The following SORBS2 variants were observed in gnomAD, a reference collection of about 807,000 sequenced individuals.
The protein encoded by SORBS2 is sorbin and SH3 domain-containing protein 2.
Under a neutral mutation model 97.7 loss-of-function variants are expected in SORBS2, and 46 were observed. That is an observed-to-expected ratio of 0.47 (90% CI 0.37 to 0.60). The LOEUF is 0.60. Ranked by LOEUF, SORBS2 falls within the 20% of genes least tolerant of loss-of-function variation. The pLI is 0.00. For missense variants in SORBS2, 1,316 were observed against 1,282.3 expected (o/e 1.03, Z -0.40); for synonymous variants, 476 against 473.4 (o/e 1.01, Z -0.07).
At chr4:185,674,562 AG>A (rs1477106331) in intron 4 of SORBS2, among the ~76,000 whole-genome samples, 4 of 152,184 alleles carry the variant, frequency 2.6e-5, no homozygotes, top group Admixed American at 2.6e-4. Flanking sequence ...TAATGGTGGT[AG>A]CCTCAACATC....
At chr4:185,693,403 C>T (rs190374689) in intron 2 of SORBS2, among the ~76,000 whole-genome samples, 60 of 152,166 alleles carry the variant, frequency 3.9e-4, no homozygotes, top group South Asian at 1.2e-3. Context: ...CTCCTTCAAA[C>T]GTATTTAGTT....
At chr4:185,824,592 C>T (rs1297536020) in intron 1 of SORBS2, among the ~76,000 whole-genome samples, 1 of 152,188 alleles carries the variant, frequency 6.6e-6, no homozygotes, top group Non-Finnish European at 1.5e-5. Context: ...GAAAAACCAA[C>T]TCAGGGACAA....
chr4:185,668,572 A>G (rs1437020110), intron 4 of SORBS2, among the ~76,000 whole-genome samples: 7 of 152,170 alleles, frequency 4.6e-5, no homozygotes, highest in Non-Finnish European at 1.0e-4. Flanking sequence ...AATGGAATAT[A>G]CCCTGTAGAC....
At chr4:185,685,931 G>A (rs1249735244) in intron 2 of SORBS2, among the ~76,000 whole-genome samples, 1 of 152,192 alleles carries the variant, frequency 6.6e-6, no homozygotes, top group Non-Finnish European at 1.5e-5. Flanking sequence ...AATGTGCTAT[G>A]AGAAGTTTAG....
chr4:185,817,766 G>A (rs978386760), intron 1 of SORBS2, among the ~76,000 whole-genome samples: 3 of 152,320 alleles, frequency 2.0e-5, no homozygotes, highest in Middle Eastern at 3.4e-3. Context: ...GGGTGAAACT[G>A]GGCAGCTTCC....
chr4:185,894,238 G>A (rs1015213048), intron 1 of SORBS2: 1 of 141,398 alleles, frequency 7.1e-6, no homozygotes, highest in Non-Finnish European at 1.5e-5. Flanking sequence ...AAGAGCAAAA[G>A]GATCAAACAC....
chr4:185,744,661 C>T (rs1247480226), intron 2 of SORBS2, among the ~76,000 whole-genome samples: 1 of 152,234 alleles, frequency 6.6e-6, no homozygotes, highest in Non-Finnish European at 1.5e-5. Context: ...AGAATGAGAA[C>T]TTTCCACAAA....
At chr4:185,644,869 A>G (rs1032208815) in intron 4 of SORBS2, among the ~76,000 whole-genome samples, 3 of 152,174 alleles carry the variant, frequency 2.0e-5, no homozygotes, top group Admixed American at 6.5e-5. Context: ...CAATGTATAA[A>G]CCCTAAAGGG....
chr4:185,928,862 C>T (rs1211606691), intron 1 of SORBS2, among the ~76,000 whole-genome samples: 1 of 152,128 alleles, frequency 6.6e-6, no homozygotes, highest in Non-Finnish European at 1.5e-5. Context: ...GTTCTTCTTT[C>T]CAGCTTTCTT....
At chr4:185,611,540 C>T (rs867345697) in intron 12 of SORBS2, among the ~76,000 whole-genome samples, 7 of 152,064 alleles carry the variant, frequency 4.6e-5, no homozygotes, top group African/African-American at 7.2e-5. Flanking sequence ...CTTTCTCTTT[C>T]GATATTTTAA....
At chr4:185,601,646 C>A (rs1393379062) in intron 12 of SORBS2, among the ~76,000 whole-genome samples, 1 of 152,144 alleles carries the variant, frequency 6.6e-6, no homozygotes, top group African/African-American at 2.4e-5. Context: ...GTGCTTATCC[C>A]AGTCTTGACT....
chr4:185,708,146 T>G (rs2098373572), intron 2 of SORBS2, among the ~76,000 whole-genome samples: 1 of 152,198 alleles, frequency 6.6e-6, no homozygotes, highest in South Asian at 2.1e-4. Flanking sequence ...CAGAGCCGAC[T>G]TGGGCTCTCA....
chr4:185,672,961 C>T lies in SORBS2; in HGVS notation c.-46+5462G>A, dbSNP rs184034545. On this transcript the variant is annotated intron_variant, in intron 4 of 20. Transcript: ENST00000284776. ...TATCACAATCATCAAGATGTAGAAACAAACCAAATGTCCATTGATGGACAA... is the reference window on the plus strand; with the variant it reads ...TATCACAATCATCAAGATGTAGAAATAAACCAAATGTCCATTGATGGACAA... Among the ~76,000 whole-genome samples, 434 of 152,258 alleles carry T rather than the reference C, an allele frequency of 2.9e-3. 4 individuals carry two copies. Among genetic ancestry groups the T allele is most frequent in the Middle Eastern group, 0.024 (7 of 294 alleles).
chr4:185,919,182 C>T (rs957249817), intron 1 of SORBS2: 2 of 152,134 alleles, frequency 1.3e-5, no homozygotes, highest in Admixed American at 1.3e-4. Flanking sequence ...CTAAAGAATT[C>T]GTTCATTACC....
intron 1 of SORBS2, among the ~76,000 whole-genome samples, chr4:185,824,705 T>G (rs1302960935): frequency 6.6e-6 from 1 of 152,050 alleles, no homozygotes; most frequent in Admixed American, 6.5e-5. Flanking sequence ...TTTTACTGAA[T>G]TGGCAGAAAG....
chr4:185,604,303 C>T (rs936675410), intron 12 of SORBS2, among the ~76,000 whole-genome samples: 1 of 152,166 alleles, frequency 6.6e-6, no homozygotes, highest in Non-Finnish European at 1.5e-5. Context: ...TAATTAAGCT[C>T]ATTGAAGACA....
chr4:185,743,132 C>T lies in SORBS2; in HGVS notation c.-198+32095G>A, dbSNP rs377240460. Among the ~76,000 whole-genome samples the T allele has an allele frequency of 3.0e-4, 45 of 152,196 alleles. 1 individual carries two copies. Among genetic ancestry groups the T allele is most frequent in the African/African-American group, 1.0e-3 (42 of 41,442 alleles). On this transcript the variant is annotated intron_variant, in intron 2 of 20. Transcript: ENST00000284776. ...AAGGTTGAGGTTCCGGAGTGCTACT[C>T]TATTAGACACATTGTCCTTTTTAAA...
In SORBS2 at chr4:185,850,910, C is replaced by T. The variant is rs145854835; in HGVS notation, c.-337-75544G>A. Among the ~76,000 whole-genome samples, 1,296 of 152,196 alleles carry T rather than the reference C, an allele frequency of 8.5e-3. 8 individuals are homozygous for T. Among genetic ancestry groups the T allele is most frequent in the Non-Finnish European group, 0.014 (930 of 68,006 alleles). ...GGCCTGAATAGAATGAAAAGGCACA[C>T]GAGGGTAAATTCACTCCCTCTCAGG... On this transcript the variant is annotated intron_variant, in intron 1 of 20. Transcript: ENST00000284776.
chr4:185,937,214 T>C (rs747858851), intron 1 of SORBS2, among the ~76,000 whole-genome samples: 31 of 152,092 alleles, frequency 2.0e-4, no homozygotes, highest in Non-Finnish European at 4.4e-4. Context: ...TCACGAGAAC[T>C]GGAGGAGCAT....
Sources: gnomAD v4.1 joint callset for allele counts (sites outside exome capture counted in the v4.1 genomes callset) on GRCh38, gnomAD v4.1.1 for gene constraint, MANE v1.5 for transcripts, NCBI Gene and HGNC (gene_info 2026-07-23, HGNC 2026-07-21) for gene names.